HIVEP3: variants seen among roughly 807,000 people sequenced by gnomAD.
The protein encoded by HIVEP3 is transcription factor HIVEP3.
Under a neutral mutation model 152.8 loss-of-function variants are expected in HIVEP3, and 49 were observed. That is an observed-to-expected ratio of 0.32 (90% CI 0.26 to 0.41). The LOEUF is 0.41. Ranked by LOEUF, HIVEP3 falls within the 10% of genes least tolerant of loss-of-function variation. The pLI, the probability that HIVEP3 is intolerant of heterozygous loss-of-function variation, is 1.00. For synonymous variants in HIVEP3, 1,269 were observed against 1,289.0 expected (o/e 0.98, Z 0.33); for missense variants, 2,790 against 3,103.3 (o/e 0.90, Z 2.40).
At chr1:41,701,221 C>T (rs751281633) in intron 1 of HIVEP3, among the ~76,000 whole-genome samples, 1 of 152,192 alleles carries the variant, frequency 6.6e-6, no homozygotes. Flanking sequence ...AAGTTGTCTG[C>T]CCTGAGGAAC....
At chr1:41,900,501 T>C (rs2124452601) in intron 1 of HIVEP3, among the ~76,000 whole-genome samples, 1 of 152,266 alleles carries the variant, frequency 6.6e-6, no homozygotes, top group Non-Finnish European at 1.5e-5. Context: ...TATTATATTA[T>C]TGCTTTTACG....
chr1:41,518,046 G>A (rs1642658037), intron 7 of HIVEP3, among the ~76,000 whole-genome samples: 1 of 152,202 alleles, frequency 6.6e-6, no homozygotes, highest in Non-Finnish European at 1.5e-5. Flanking sequence ...GACACATAGT[G>A]GGCACTCAAT....
chr1:42,002,497 C>T (rs1645433963), intron 1 of HIVEP3, among the ~76,000 whole-genome samples: 1 of 152,210 alleles, frequency 6.6e-6, no homozygotes, highest in African/African-American at 2.4e-5. Flanking sequence ...AGGACTGGCT[C>T]TGACAGAGAT....
intron 6 of HIVEP3, 52 bp from the exon 7 acceptor site, chr1:41,518,540 C>T (rs772522394): frequency 8.5e-6 from 13 of 1,520,662 alleles, no homozygotes; most frequent in East Asian, 4.5e-5. Flanking sequence ...GAGGCCAGGG[C>T]GGACCCAGGG....
rs12025307 is a variant in HIVEP3 at position 41,947,981 on chromosome 1, G to A, written n.120-29457C>T. ...CTCTATTACTTGAAAGGCCAGTGCC[G>A]CGACTGCGCACTTGTGCAACTCTTA... On this transcript the variant is annotated intron_variant and non_coding_transcript_variant, in intron 1 of 3. Transcript: ENST00000489103. Among the ~76,000 whole-genome samples the A allele has an allele frequency of 7.4e-3, 1,121 of 152,340 alleles. 45 individuals carry two copies. In the East Asian group the frequency reaches 0.12, roughly 16 times the overall value.
intron 1 of HIVEP3, among the ~76,000 whole-genome samples, chr1:41,744,039 A>C (rs1647033857): frequency 6.8e-6 from 1 of 147,226 alleles, no homozygotes. Flanking sequence ...GCCAGCCAGC[A>C]TTTTTTTGTT....
intron 5 of HIVEP3, among the ~76,000 whole-genome samples, chr1:41,528,281 T>TC (rs1643079633): frequency 3.6e-5 from 2 of 55,678 alleles, no homozygotes; most frequent in Admixed American, 2.0e-4. Context: ...CACCCTCACA[T>TC]ACACCCCCAC....
chr1:41,881,133 C>A (rs566535608), intron 1 of HIVEP3, among the ~76,000 whole-genome samples: 2 of 152,266 alleles, frequency 1.3e-5, no homozygotes, highest in Admixed American at 6.5e-5. Flanking sequence ...GTGGTGATGA[C>A]AACAGTGCTG....
rs58470482 is a variant in HIVEP3, at chr1:41,966,475, C to CTTTTTTTTTTTTTTTTTTT, written n.120-47952_120-47951insAAAAAAAAAAAAAAAAAAA. On this transcript the variant is annotated intron_variant and non_coding_transcript_variant, in intron 1 of 3. Transcript: ENST00000489103. ...TCAAGACCCATCAGTGTGCTGTATT[C>CTTTTTTTTTTTTTTTTTTT]TTTTTTTTTTTTTTTTGAGATGGAG... Among the ~76,000 whole-genome samples the CTTTTTTTTTTTTTTTTTTT allele has an allele frequency of 1.6e-3, 155 of 95,766 alleles. 14 individuals are homozygous for CTTTTTTTTTTTTTTTTTTT. Among genetic ancestry groups the CTTTTTTTTTTTTTTTTTTT allele is most frequent in the East Asian group, 2.1e-3 (5 of 2,366 alleles). The allele number at this position is 95,766 out of a possible 152,430, so 62.8% of individuals were successfully genotyped here. A position where few individuals can be genotyped will look rare whatever the true frequency, so the allele number is the denominator to read the frequency against.
chr1:41,570,438 G>A (rs1368770311), intron 5 of HIVEP3, among the ~76,000 whole-genome samples: 1 of 152,186 alleles, frequency 6.6e-6, no homozygotes, highest in Non-Finnish European at 1.5e-5. Context: ...GGTTTCATAA[G>A]CGTTTGGTAG....
chr1:41,628,839 C>A lies in HIVEP3; in HGVS notation c.-612G>T, dbSNP rs1645153935. 2.4e-5 allele frequency: 30 copies of A among 1,232,028 alleles called. 1 individual carries two copies. The South Asian group carries it at 1.2e-3, about 49-fold the overall frequency. The allele number at this position is 1,232,028 out of a possible 1,614,324, so 76.3% of individuals were successfully genotyped here. A position where few individuals can be genotyped will look rare whatever the true frequency, so the allele number is the denominator to read the frequency against. ...CATGTCCACTCCTACGGCAGCCACC[C>A]TCCACCTAGGCGCCGCTCTTCCCAC... On this transcript the variant is annotated 5_prime_UTR_variant, in exon 3 of 9. In the 5' UTR this introduces an upstream ATG that the reference lacks. Transcript: ENST00000372583.
chr1:41,901,908 C>T (rs1025053937), intron 1 of HIVEP3, among the ~76,000 whole-genome samples: 6 of 152,160 alleles, frequency 3.9e-5, no homozygotes, highest in Admixed American at 6.5e-5. Flanking sequence ...TCTGTTAGGG[C>T]GAGCTCCTTG....
chr1:41,906,049 C>T (rs1048293501), intron 1 of HIVEP3, among the ~76,000 whole-genome samples: 6 of 152,148 alleles, frequency 3.9e-5, no homozygotes, highest in African/African-American at 7.2e-5. Flanking sequence ...GTGGCTCACG[C>T]CTGTAATCCC....
At chr1:41,565,961 AT>A (rs371749213) in intron 5 of HIVEP3, among the ~76,000 whole-genome samples, 55 of 150,916 alleles carry the variant, frequency 3.6e-4, no homozygotes, top group South Asian at 8.4e-4. Flanking sequence ...CGCTTTTCAC[AT>A]TTTTTTTTAA....
chr1:41,895,042 G>A (rs811461), intron 1 of HIVEP3, among the ~76,000 whole-genome samples: 28,741 of 151,344 alleles, frequency 0.19, 2,883 homozygotes, highest in South Asian at 0.29. Flanking sequence ...GTATGGTCGC[G>A]TCTGTAAGCA....
chr1:41,857,338 T>C lies in HIVEP3; in HGVS notation c.-801+61075A>G, dbSNP rs537714792. On this transcript the variant is annotated intron_variant, in intron 1 of 8. Coordinates refer to ENST00000372583, the MANE Select transcript of HIVEP3 (RefSeq NM_024503.5). ...CTACAGAAATCCAGCTGTGGCATCA[T>C]TTGAGGTCAAGCCCAGGAAGAAAAG... Among the ~76,000 whole-genome samples the C allele has an allele frequency of 4.6e-5, 7 of 152,302 alleles. No individual in the cohort carries two copies. In the East Asian group the frequency reaches 1.2e-3, roughly 25 times the overall value.
intron 1 of HIVEP3, among the ~76,000 whole-genome samples, chr1:41,978,074 T>G (rs1320980192): frequency 6.6e-6 from 1 of 152,234 alleles, no homozygotes; most frequent in Non-Finnish European, 1.5e-5. Context: ...TTTTTCCCAT[T>G]AAGACCCAAG....
Position 41,583,960 on chromosome 1 carries a change from C to T in HIVEP3, c.838G>A (p.Glu280Lys). The T allele has an allele frequency of 1.9e-6, 3 of 1,614,180 alleles. No individual in the cohort carries two copies. The highest frequency in any genetic ancestry group is 2.5e-6 in the Non-Finnish European group (3 of 1,180,030). The change falls in exon 4 of 9, where the codon GAA (glutamate) becomes AAA (lysine). Residue 280 changes from glutamate to lysine, a missense_variant. Around this residue, in one of 9 missense-constraint regions of HIVEP3, gnomAD observed 125 missense variants for 130.1 expected, o/e 0.96. Coordinates refer to ENST00000372583, the MANE Select transcript of HIVEP3 (RefSeq NM_024503.5). This position sits in a 1 kb window ranked among gnomAD's most constrained non-coding sequence, Gnocchi z 6.9. ...GEEFEEPTEG[E>K]STDSEEETSA... ...GTCTCCTCTTCAGAATCTGTGCTTT[C>T]TCCCTCAGTGGGCTCCTCAAACTCT...
At chr1:42,006,862 G>C (rs2124527104) in intron 1 of HIVEP3, among the ~76,000 whole-genome samples, 1 of 152,324 alleles carries the variant, frequency 6.6e-6, no homozygotes, top group Non-Finnish European at 1.5e-5. Flanking sequence ...ATTTGAGAAT[G>C]ACCGTACTAG....
Sources: allele counts gnomAD v4.1 joint callset (sites outside exome capture counted in the v4.1 genomes callset), GRCh38; gene constraint gnomAD v4.1.1; regional missense constraint gnomAD v4.1.1; non-coding constraint Gnocchi (gnomAD v3.1); transcripts MANE v1.5; gene names NCBI Gene and HGNC (gene_info 2026-07-23, HGNC 2026-07-21).